The following DMD variants were observed in gnomAD, a reference collection of about 807,000 sequenced individuals.
The protein encoded by DMD is dystrophin, also known as mutant dystrophin.
Under a neutral mutation model 330.1 loss-of-function variants are expected in DMD, and 63 were observed. The observed-to-expected ratio is 0.19, with a 90% CI of 0.16 to 0.24. DMD has a LOEUF of 0.24. Ranked by LOEUF, DMD falls within the 10% of genes least tolerant of loss-of-function variation. The probability of loss-of-function intolerance (pLI) is 1.00; values close to 1 mark genes in which losing one functional copy is unlikely to be tolerated. For synonymous variants in DMD, 1,223 were observed against 959.8 expected, an observed-to-expected ratio of 1.27 and a Z score of -5.07; for missense variants, 3,344 against 2,684.1, an observed-to-expected ratio of 1.25 and a Z score of -5.43.
intron 49 of DMD, among the ~76,000 whole-genome samples, chrX:31,824,919 G>T (rs73213887): frequency 9.0e-6 from 1 of 111,014 alleles, no homozygotes; most frequent in Non-Finnish European, 1.9e-5. Context: ...TATCCAGAAT[G>T]CATGATGTAA....
At chrX:31,484,605 A>G (rs780857365) in intron 57 of DMD, among the ~76,000 whole-genome samples, 1 of 111,948 alleles carries the variant, frequency 8.9e-6, no homozygotes, top group African/African-American at 3.2e-5. Flanking sequence ...GGAATACTAC[A>G]CAGATGTTTG....
chrX:32,384,234 T>C (rs1194692256), intron 33 of DMD, among the ~76,000 whole-genome samples: 5 of 110,420 alleles, frequency 4.5e-5, no homozygotes, highest in African/African-American at 6.5e-5. Context: ...TCCTTCGTAA[T>C]TGATGTTAAA....
chrX:32,412,143 C>T, intron 29 of DMD: 4 of 1,144,715 alleles, frequency 3.5e-6, no homozygotes, highest in Non-Finnish European at 4.7e-6. Flanking sequence ...GCATGAAAAT[C>T]AATCACAATA....
chrX:31,825,584 T>G (rs1175378547), intron 49 of DMD, among the ~76,000 whole-genome samples: 1 of 111,652 alleles, frequency 9.0e-6, no homozygotes, highest in Non-Finnish European at 1.9e-5. Context: ...CTTTAATACT[T>G]AAAGGTATGT....
intron 61 of DMD, among the ~76,000 whole-genome samples, chrX:31,342,542 T>C (rs767527370): frequency 8.9e-6 from 1 of 112,012 alleles, no homozygotes; most frequent in Non-Finnish European, 1.9e-5. Flanking sequence ...AGTACTATTT[T>C]TTTCAAGGGA....
At chrX:33,237,772 A>G (rs919421462) in intron 1 of DMD, among the ~76,000 whole-genome samples, 2 of 112,329 alleles carry the variant, frequency 1.8e-5, no homozygotes, top group Non-Finnish European at 3.8e-5. Context: ...GAAAATATGT[A>G]TTGCTCGATT....
At chrX:33,040,992 T>C (rs771823979) in intron 1 of DMD, among the ~76,000 whole-genome samples, 1 of 112,047 alleles carries the variant, frequency 8.9e-6, no homozygotes, top group Non-Finnish European at 1.9e-5. Flanking sequence ...CACAAACAGA[T>C]GGGATGTTTC....
intron 1 of DMD, among the ~76,000 whole-genome samples, chrX:33,110,543 C>A (rs192830873): frequency 1.8e-5 from 2 of 110,957 alleles, no homozygotes; most frequent in Admixed American, 1.9e-4. Context: ...TCAAGATATC[C>A]AAAACAACTA....
At chrX:31,478,032 C>T (rs753046476) in intron 59 of DMD, 74 bp downstream of exon 59, 1 of 1,104,678 alleles carries the variant, frequency 9.1e-7, no homozygotes, top group South Asian at 1.9e-5. Flanking sequence ...GGGAAGATAA[C>T]ACTGCACTCA....
chrX:32,738,967 G>A (rs1439231197), intron 7 of DMD, among the ~76,000 whole-genome samples: 2 of 111,566 alleles, frequency 1.8e-5, no homozygotes, highest in African/African-American at 6.5e-5. Flanking sequence ...AGGAGAAAAT[G>A]GATATTAAGA....
At chrX:32,266,856 T>C (rs1168896640) in intron 43 of DMD, among the ~76,000 whole-genome samples, 1 of 112,002 alleles carries the variant, frequency 8.9e-6, no homozygotes, top group Non-Finnish European at 1.9e-5. Context: ...CACCACCAAA[T>C]GCAAAGGAAC....
chrX:33,089,655 G>A (rs1219499721), intron 1 of DMD, among the ~76,000 whole-genome samples: 2 of 111,778 alleles, frequency 1.8e-5, no homozygotes, highest in Non-Finnish European at 3.8e-5. Flanking sequence ...AGAACCTAAA[G>A]TACACAGGGG....
intron 18 of DMD, among the ~76,000 whole-genome samples, chrX:32,506,741 T>C (rs1286867666): frequency 9.0e-6 from 1 of 111,571 alleles, no homozygotes; most frequent in Admixed American, 9.5e-5. Flanking sequence ...TTTTGTGATT[T>C]TATGTTCCCA....
chrX:32,033,653 G>GAAAGAAAGAAAGAAAGA (rs201179363), intron 44 of DMD, among the ~76,000 whole-genome samples: 4 of 59,070 alleles, frequency 6.8e-5, no homozygotes, highest in African/African-American at 2.8e-4. Flanking sequence ...AAGAAAGAAA[G>GAAAGAAAGAAAGAAAGA]AAGAAAGAAA....
intron 7 of DMD, among the ~76,000 whole-genome samples, chrX:32,800,690 C>T (rs1035120013): frequency 9.0e-6 from 1 of 110,657 alleles, no homozygotes; most frequent in African/African-American, 3.3e-5. Context: ...TCCCCTAATG[C>T]TATCACTCCC....
chrX:31,947,103 G>A (rs1315330769), intron 45 of DMD, among the ~76,000 whole-genome samples: 1 of 111,358 alleles, frequency 9.0e-6, no homozygotes, highest in African/African-American at 3.3e-5. Flanking sequence ...AAATACAGTG[G>A]ATAATGAGGA....
intron 43 of DMD, among the ~76,000 whole-genome samples, chrX:32,287,221 A>T (rs2097445541): frequency 8.9e-6 from 1 of 111,895 alleles, no homozygotes; most frequent in African/African-American, 3.2e-5. Flanking sequence ...GACTAAAGAT[A>T]AATATGTTAT....
intron 43 of DMD, among the ~76,000 whole-genome samples, chrX:32,233,882 G>T (rs1282639658): frequency 9.1e-6 from 1 of 110,318 alleles, no homozygotes; most frequent in Admixed American, 9.8e-5. Flanking sequence ...CGCCCACCTT[G>T]GTCTCTCAAA....
intron 2 of DMD, among the ~76,000 whole-genome samples, chrX:32,940,676 G>A (rs917122976): frequency 8.9e-6 from 1 of 111,741 alleles, no homozygotes; most frequent in African/African-American, 3.3e-5. Flanking sequence ...AGATTTAAAT[G>A]TAAGACCTCA....
Sources: gnomAD v4.1 joint callset for allele counts (sites outside exome capture counted in the v4.1 genomes callset) on GRCh38, gnomAD v4.1.1 for gene constraint, MANE v1.5 for transcripts, NCBI Gene and HGNC (gene_info 2026-07-23, HGNC 2026-07-21) for gene names.